AFAP1L1: variants seen among roughly 807,000 people sequenced by gnomAD.
AFAP1L1 encodes the protein actin filament associated protein 1 like 1, also known as actin filament-associated protein 1-like 1.
A neutral mutation model predicts 99.8 loss-of-function variants in AFAP1L1; 77 were observed. That is an observed-to-expected ratio of 0.77 (90% CI 0.64 to 0.93). The LOEUF (loss-of-function observed/expected upper bound fraction) is 0.93, where lower values mean the gene tolerates loss of function less well. Ranked by LOEUF, AFAP1L1 falls within the 40% of genes least tolerant of loss-of-function variation. AFAP1L1 has a pLI of 0.00. For synonymous variants in AFAP1L1, 373 were observed against 395.3 expected (o/e 0.94, Z 0.67); for missense variants, 893 against 996.8 (o/e 0.90, Z 1.40).
At position 149,329,844 on chromosome 5, in the gene AFAP1L1, TG is replaced by T. The variant is rs1757205669; in HGVS notation, c.1975+15del. 1 of 1,598,140 alleles carries T rather than the reference TG, an allele frequency of 6.3e-7. No individual in the cohort carries two copies. Among genetic ancestry groups the T allele is most frequent in the Non-Finnish European group, 8.5e-7 (1 of 1,172,592 alleles). On this transcript the variant is annotated intron_variant, in intron 16 of 18. Coordinates refer to ENST00000296721, the MANE Select transcript of AFAP1L1 (RefSeq NM_152406.4). ...GGAGCAGCCCAGGTACCTATGTGGG[TG>T]TGGTCCTGAGCACCTATGGGTGGCC...
At chr5:149,332,964 A>G in intron 17 of AFAP1L1, 91 bp downstream of exon 17, 3 of 1,421,466 alleles carry the variant, frequency 2.1e-6, no homozygotes, top group Non-Finnish European at 1.9e-6. Flanking sequence ...CTTTGGAGGT[A>G]GGGGTTATGC....
rs764409604 is a variant in AFAP1L1 at position 149,316,287 on chromosome 5, G to A, written c.1251G>A (p.Glu417=). The stretch of plus-strand genomic sequence containing the variant: ...ACCTGCAGACGTCCTCCACCGAGGA[G>A]GAGGTTCCCTGCTGTGGTGGGTCCA... The part of the protein sequence containing the change: ...ADDLQTSSTE[E]EVPCCGYLNV... Residue 417 remains glutamate, a synonymous_variant, in exon 11 of 19, where the codon GAG becomes GAA. Coordinates refer to ENST00000296721, the MANE Select transcript of AFAP1L1 (RefSeq NM_152406.4). 2 of 1,614,014 alleles carry A rather than the reference G, an allele frequency of 1.2e-6. No individual in the cohort carries two copies. The highest frequency in any genetic ancestry group is 1.1e-5 in the South Asian group (1 of 91,060).
In AFAP1L1 at chr5:149,332,775, C is replaced by G. The variant is rs1470258321; in HGVS notation, c.2056C>G (p.Leu686Val). 6.2e-7 allele frequency: 1 copy of G among 1,613,648 alleles called. No homozygotes were observed. Among genetic ancestry groups the G allele is most frequent in the South Asian group, 1.1e-5 (1 of 91,050 alleles). ...GGCAAAGGAGGAGCGCCGGATTGACCTGGAGCTGAAGCTGGTGGCTGTGAA... is the reference window on the plus strand; with the variant it reads ...GGCAAAGGAGGAGCGCCGGATTGACGTGGAGCTGAAGCTGGTGGCTGTGAA... ...CRAKEERRID[L>V]ELKLVAVKER... Residue 686 changes from leucine to valine, a missense_variant, in exon 17 of 19, where the codon CTG becomes GTG. Transcript: ENST00000296721.
At chr5:149,273,085 C>T (rs1018431609) in intron 1 of AFAP1L1, among the ~76,000 whole-genome samples, 2 of 151,504 alleles carry the variant, frequency 1.3e-5, no homozygotes, top group African/African-American at 4.9e-5. Context: ...AAGTGGCCTG[C>T]TTGGACATGT....
chr5:149,330,059 T>C (rs1757213751), intron 16 of AFAP1L1, among the ~76,000 whole-genome samples: 1 of 152,150 alleles, frequency 6.6e-6, no homozygotes, highest in Non-Finnish European at 1.5e-5. Flanking sequence ...TTTTGGAGGA[T>C]GAAAAAGCAT....
intron 7 of AFAP1L1, among the ~76,000 whole-genome samples, chr5:149,308,377 A>G (rs962662051): frequency 1.3e-5 from 2 of 152,232 alleles, no homozygotes; most frequent in African/African-American, 4.8e-5. Flanking sequence ...GCTTTAGTGT[A>G]CACATTTCCA....
In AFAP1L1 at chr5:149,317,716, T is replaced by C. The variant is rs751290702; in HGVS notation, c.1268-13T>C. The C allele has an allele frequency of 6.8e-6, 11 of 1,613,342 alleles. No homozygotes were observed. Among genetic ancestry groups the C allele is most frequent in the Non-Finnish European group, 8.5e-6 (10 of 1,179,722 alleles). The stretch of plus-strand genomic sequence containing the variant: ...GGCAGGCTATGGGAACCTCACACCA[T>C]TGTCTCCTCCAGGCTACCTGAACGT... On this transcript the variant is annotated splice_polypyrimidine_tract_variant and intron_variant, in intron 11 of 18. Transcript: ENST00000296721.
intron 18 of AFAP1L1, among the ~76,000 whole-genome samples, chr5:149,337,515 C>T (rs1298976987): frequency 6.6e-6 from 1 of 152,202 alleles, no homozygotes; most frequent in Non-Finnish European, 1.5e-5. Context: ...ATGCTTGACA[C>T]TTCACTAAAC....
chr5:149,301,377 C>T (rs745474500), intron 4 of AFAP1L1, 147 bp downstream of exon 4: 1 of 613,356 alleles, frequency 1.6e-6, no homozygotes, highest in Admixed American at 2.9e-5. Flanking sequence ...ACAGGCAGCA[C>T]CATGTGAACA....
At chr5:149,309,920 T>C in intron 7 of AFAP1L1, 36 bp from the exon 8 acceptor site, 1 of 1,613,910 alleles carries the variant, frequency 6.2e-7, no homozygotes, top group South Asian at 1.1e-5. Context: ...TACCCTCTAC[T>C]TCAGAAGATC....
rs138707464 is a variant in AFAP1L1 at position 149,329,475 on chromosome 5, G to A, written c.1811-191G>A. Among the ~76,000 whole-genome samples the A allele has an allele frequency of 2.2e-3, 336 of 152,308 alleles. 2 individuals carry two copies. The highest frequency in any genetic ancestry group is 7.6e-3 in the African/African-American group (316 of 41,570). On this transcript the variant is annotated intron_variant, in intron 15 of 18. Coordinates refer to ENST00000296721, the MANE Select transcript of AFAP1L1 (RefSeq NM_152406.4). ...TGTTCCAAGGCCTTGCTCCTAGTCC[G>A]TGTGCCCTGTGGCCTCCCTTTTGCT... is the stretch of plus-strand genomic sequence containing the variant.
In AFAP1L1 at chr5:149,320,113, G is replaced by A. The variant is rs982462294; in HGVS notation, c.1626-278G>A. On this transcript the variant is annotated intron_variant, in intron 13 of 18. Coordinates refer to ENST00000296721, the MANE Select transcript of AFAP1L1 (RefSeq NM_152406.4). The surrounding 1 kb of genome is among the most constrained non-coding windows in gnomAD (Gnocchi z 4.0). ...CAGTCACCACCAGCAGTGGAAGCTT[G>A]CACTGGTTGCTTGCCATCTCGGATC... Among the ~76,000 whole-genome samples the A allele has an allele frequency of 2.6e-5, 4 of 152,218 alleles. No individual in the cohort carries two copies. The highest frequency in any genetic ancestry group is 9.6e-5 in the African/African-American group (4 of 41,458).
chr5:149,319,868 T>C (rs762258876), intron 13 of AFAP1L1, 141 bp downstream of exon 13: 11 of 1,250,248 alleles, frequency 8.8e-6, no homozygotes, highest in Non-Finnish European at 1.2e-5. Context: ...CTGGAATGAG[T>C]GTCTTCCTCT....
Position 149,332,739 on chromosome 5 carries a change from G to A in AFAP1L1, c.2020G>A (p.Ala674Thr). The change falls in exon 17 of 19, where the codon GCT becomes ACT. Residue 674 changes from alanine (A) to threonine (T), a missense_variant. Ala to Thr is a moderately conservative substitution (Grantham distance 58, BLOSUM62 0). Coordinates refer to ENST00000296721, the MANE Select transcript of AFAP1L1 (RefSeq NM_152406.4). Reference protein sequence around the residue: ...ALEEAVATLEAQCRAKEERRI... With the variant: ...ALEEAVATLETQCRAKEERRI... ...GGAAGAAGCCGTGGCCACCCTGGAA[G>A]CTCAGTGTCGGGCAAAGGAGGAGCG... 6.2e-7 allele frequency: 1 copy of A among 1,613,984 alleles called. No homozygotes were observed. The highest frequency in any genetic ancestry group is 8.5e-7 in the Non-Finnish European group (1 of 1,180,028).
At chr5:149,334,321 G>C (rs1757342074) in intron 17 of AFAP1L1, among the ~76,000 whole-genome samples, 1 of 152,140 alleles carries the variant, frequency 6.6e-6, no homozygotes, top group African/African-American at 2.4e-5. Flanking sequence ...CAACTTCCCA[G>C]AGTCACAGAG....
chr5:149,317,791 A>C lies in AFAP1L1; in HGVS notation c.1330A>C (p.Thr444Pro). 1 of 1,613,846 alleles carries C rather than the reference A, an allele frequency of 6.2e-7. No homozygotes were observed. Among genetic ancestry groups the C allele is most frequent in the Non-Finnish European group, 8.5e-7 (1 of 1,179,920 alleles). Residue 444 changes from threonine to proline, a missense_variant, in exon 12 of 19, where the codon ACT (threonine) becomes CCT (proline). By Grantham distance (38) the Thr-to-Pro change is conservative. Transcript: ENST00000296721. ...KERWCRLKCN[T>P]LYFHKDHMDL... is the part of the protein sequence containing the mutation. ...ACGCTGGTGCCGCCTGAAGTGCAAC[A>C]CTCTGTATTTCCACAAGGATCACAT...
rs1461014766 is a variant in AFAP1L1, at chr5:149,319,572, T to C, written c.1480-10T>C. The C allele has an allele frequency of 6.3e-7, 1 of 1,592,152 alleles. No individual in the cohort carries two copies. On this transcript the variant is annotated splice_polypyrimidine_tract_variant and intron_variant, in intron 12 of 18. Coordinates refer to ENST00000296721, the MANE Select transcript of AFAP1L1 (RefSeq NM_152406.4). ...GAAAATGAACTCCATCTTTGCCTCCTGTCCTTCAGGCAAGCTGTTCAGAGG... is the reference window on the plus strand; with the variant it reads ...GAAAATGAACTCCATCTTTGCCTCCCGTCCTTCAGGCAAGCTGTTCAGAGG...
At chr5:149,275,314 G>A (rs1178763573) in intron 1 of AFAP1L1, among the ~76,000 whole-genome samples, 1 of 152,208 alleles carries the variant, frequency 6.6e-6, no homozygotes, top group Non-Finnish European at 1.5e-5. Flanking sequence ...CCAGATGCTG[G>A]AAGTCTAAGA....
intron 1 of AFAP1L1, among the ~76,000 whole-genome samples, chr5:149,282,440 G>A (rs186269342): frequency 8.9e-4 from 135 of 152,246 alleles, no homozygotes; most frequent in African/African-American, 3.0e-3. Flanking sequence ...ATTCACTGCC[G>A]GGAGATAAGG....
Sources: gnomAD v4.1 joint callset for allele counts (sites outside exome capture counted in the v4.1 genomes callset) on GRCh38, gnomAD v4.1.1 for gene constraint, Gnocchi (gnomAD v3.1) non-coding constraint, MANE v1.5 for transcripts, NCBI Gene and HGNC (gene_info 2026-07-23, HGNC 2026-07-21) for gene names.